The following ADAMTS17 variants were observed in gnomAD, a reference collection of about 807,000 sequenced individuals.
The protein encoded by ADAMTS17 is A disintegrin and metalloproteinase with thrombospondin motifs 17.
In ADAMTS17, 113 loss-of-function variants were observed where a neutral mutation model predicts 141.5. The ratio of observed to expected loss-of-function variants is 0.80; its 90% CI spans 0.69 to 0.93. ADAMTS17 has a LOEUF of 0.93. ADAMTS17 is among the 40% of genes least tolerant of loss of function. The pLI is 0.00. For synonymous variants in ADAMTS17, 768 were observed against 630.6 expected (o/e 1.22, Z -3.27); for missense variants, 1,659 against 1,517.9 (o/e 1.09, Z -1.54).
intron 12 of ADAMTS17, among the ~76,000 whole-genome samples, chr15:100,125,594 CT>C (rs1300303594): frequency 6.6e-6 from 1 of 152,144 alleles, no homozygotes; most frequent in Non-Finnish European, 1.5e-5. Flanking sequence ...GAGCCTTCCT[CT>C]CCCCTCCCTC....
chr15:99,997,499 G>A lies in ADAMTS17; in HGVS notation c.2682C>T (p.Asn894=), dbSNP rs765738277. ...GGGGCCGCGTAGCGACGTGTGTGCC[G>A]TTCTGCAGCTGGTACACGCAGGTCA... ...REVTCVYQLQ[N]GTHVATRPLY... Residue 894 remains asparagine (N), a synonymous_variant, in exon 19 of 22, where the codon AAC becomes AAT. Transcript: ENST00000268070. The surrounding 1 kb of genome is among the most constrained non-coding windows in gnomAD (Gnocchi z 4.7). 28 of 1,613,514 alleles carry A rather than the reference G, an allele frequency of 1.7e-5. No individual in the cohort carries two copies. The highest frequency in any genetic ancestry group is 3.3e-5 in the Admixed American group (2 of 59,998).
intron 18 of ADAMTS17, among the ~76,000 whole-genome samples, chr15:100,047,379 A>G (rs28575439): frequency 0.29 from 41,197 of 142,322 alleles, 7,048 homozygotes; most frequent in East Asian, 0.47. Context: ...CACCCTATTC[A>G]CACACTCCCT....
chr15:100,075,364 C>A (rs1260615264), intron 15 of ADAMTS17, among the ~76,000 whole-genome samples: 1 of 152,140 alleles, frequency 6.6e-6, no homozygotes, highest in Non-Finnish European at 1.5e-5. Flanking sequence ...TTGAGATGGG[C>A]TTATGGGAAT....
intron 3 of ADAMTS17, among the ~76,000 whole-genome samples, chr15:100,322,985 G>A (rs978588069): frequency 6.6e-6 from 1 of 151,486 alleles, no homozygotes; most frequent in East Asian, 1.9e-4. Context: ...TACTCAGGAG[G>A]CTGAGGCAGG....
At chr15:100,140,722 G>A (rs1340917455) in intron 10 of ADAMTS17, among the ~76,000 whole-genome samples, 3 of 151,480 alleles carry the variant, frequency 2.0e-5, no homozygotes, top group African/African-American at 7.3e-5. Context: ...CAGAACACAG[G>A]CTCCTTCCCA....
At chr15:100,124,218 G>C (rs890767197) in intron 12 of ADAMTS17, among the ~76,000 whole-genome samples, 1 of 152,124 alleles carries the variant, frequency 6.6e-6, no homozygotes, top group African/African-American at 2.4e-5. Context: ...CATCCGCCTT[G>C]GCCTCCCAAA....
At position 100,328,759 on chromosome 15, in the gene ADAMTS17, C is replaced by A. The variant is rs887776247; in HGVS notation, c.616+2130G>T. Among the ~76,000 whole-genome samples the A allele has an allele frequency of 3.9e-5, 6 of 152,310 alleles. No individual in the cohort carries two copies. The South Asian group carries it at 1.2e-3, about 32-fold the overall frequency. On this transcript the variant is annotated intron_variant, in intron 3 of 21. Coordinates refer to ENST00000268070, the MANE Select transcript of ADAMTS17 (RefSeq NM_139057.4). ...GTCAGTGATCCTCAGTATCACACCA[C>A]TAAAGGGGATGGAAGGCGGCCATTA...
chr15:100,248,723 C>T (rs1426987359), intron 7 of ADAMTS17, among the ~76,000 whole-genome samples: 1 of 152,154 alleles, frequency 6.6e-6, no homozygotes, highest in Admixed American at 6.5e-5. Flanking sequence ...GTCATCCTTG[C>T]TATCCTTCCC....
rs539851022 is a variant in ADAMTS17 at position 100,253,782 on chromosome 15, T to C, written c.1075+354A>G. ...AACAAACTGCTAAGCTTTCATCTCA[T>C]GACCACAACTGTGTAACTTAGCAGG... is the stretch of plus-strand genomic sequence containing the variant. On this transcript the variant is annotated intron_variant, in intron 7 of 21. Coordinates refer to ENST00000268070, the MANE Select transcript of ADAMTS17 (RefSeq NM_139057.4). Among the ~76,000 whole-genome samples the C allele has an allele frequency of 1.1e-4, 17 of 152,224 alleles. No homozygotes were observed. In the South Asian group the frequency reaches 3.5e-3, roughly 32 times the overall value.
chr15:100,180,579 AT>A (rs1298903358), intron 8 of ADAMTS17, among the ~76,000 whole-genome samples: 2 of 152,040 alleles, frequency 1.3e-5, no homozygotes, highest in Non-Finnish European at 2.9e-5. Context: ...TTTGATAGGG[AT>A]TGCACTGAAT....
chr15:100,222,409 G>A (rs554257185), intron 7 of ADAMTS17, among the ~76,000 whole-genome samples: 4 of 152,262 alleles, frequency 2.6e-5, no homozygotes, highest in South Asian at 4.1e-4. Flanking sequence ...TCAAATAAGC[G>A]TGGCTTTGTT....
At chr15:100,107,333 C>A (rs1300201461) in intron 14 of ADAMTS17, among the ~76,000 whole-genome samples, 1 of 152,176 alleles carries the variant, frequency 6.6e-6, no homozygotes, top group Non-Finnish European at 1.5e-5. Flanking sequence ...GCATCTGGCT[C>A]ACCACAGTTC....
In ADAMTS17 at chr15:100,051,654, T is replaced by C. The variant is rs755743770; in HGVS notation, c.2373A>G (p.Gln791=). The stretch of plus-strand genomic sequence containing the variant: ...AGTCCTGCGGTTTTTCTGGTTCGCT[T>C]TGATTTTCCGCAGTGCGGTTTACAG... ...TVPVNRTAEN[Q]SEPEKPQDSL... is the part of the protein sequence containing the mutation. Residue 791 remains glutamine (Q), a synonymous_variant, in exon 17 of 22, where the codon CAA becomes CAG. Transcript: ENST00000268070. The C allele has an allele frequency of 2.5e-6, 4 of 1,614,090 alleles. No homozygotes were observed. The highest frequency in any genetic ancestry group is 3.3e-5 in the Admixed American group (2 of 60,002).
chr15:100,029,594 T>A (rs1450930698), intron 18 of ADAMTS17, among the ~76,000 whole-genome samples: 1 of 152,174 alleles, frequency 6.6e-6, no homozygotes, highest in Non-Finnish European at 1.5e-5. Context: ...AGTCTCCACT[T>A]GGTTAGGTCT....
intron 7 of ADAMTS17, among the ~76,000 whole-genome samples, chr15:100,209,725 G>T (rs1054280122): frequency 1.4e-4 from 22 of 152,174 alleles, no homozygotes; most frequent in African/African-American, 5.3e-4. Flanking sequence ...AGACAAGGAA[G>T]ATGGCCAGCC....
chr15:100,008,435 C>T (rs919927345), intron 18 of ADAMTS17, among the ~76,000 whole-genome samples: 2 of 152,146 alleles, frequency 1.3e-5, no homozygotes, highest in Admixed American at 6.5e-5. Context: ...GAAGAGTCAT[C>T]GTGGGCCAAA....
At chr15:100,087,517 C>T (rs1477187170) in intron 15 of ADAMTS17, among the ~76,000 whole-genome samples, 1 of 152,174 alleles carries the variant, frequency 6.6e-6, no homozygotes, top group Non-Finnish European at 1.5e-5. Flanking sequence ...ATACCAAAGC[C>T]AGGCAGAGAC....
At chr15:100,094,184 T>C (rs2035628164) in intron 15 of ADAMTS17, among the ~76,000 whole-genome samples, 1 of 152,236 alleles carries the variant, frequency 6.6e-6, no homozygotes, top group South Asian at 2.1e-4. Flanking sequence ...CGTGTGCTTA[T>C]TTTTGCCTGA....
intron 15 of ADAMTS17, among the ~76,000 whole-genome samples, chr15:100,058,230 C>CA (rs2032784446): frequency 5.1e-5 from 1 of 19,574 alleles, no homozygotes; most frequent in African/African-American, 1.8e-4. Context: ...TCCAACACTC[C>CA]TATCCCAGCT....
Sources: gnomAD v4.1 joint callset for allele counts (sites outside exome capture counted in the v4.1 genomes callset) on GRCh38, gnomAD v4.1.1 for gene constraint, Gnocchi (gnomAD v3.1) non-coding constraint, MANE v1.5 for transcripts, NCBI Gene and HGNC (gene_info 2026-07-23, HGNC 2026-07-21) for gene names.